Variants in ACYP2 observed in about 807,000 individuals in gnomAD.
ACYP2 encodes the protein acylphosphatase-2.
Under a neutral mutation model 11.2 loss-of-function variants are expected in ACYP2, and 12 were observed. That is an observed-to-expected ratio of 1.08 (90% CI 0.69 to 1.74). ACYP2 has a LOEUF of 1.74. ACYP2 is among the 40% of genes most tolerant of loss of function. The pLI is 0.00. For missense variants in ACYP2, 134 were observed against 101.9 expected (o/e 1.31, Z -1.35); for synonymous variants, 43 against 32.2 (o/e 1.33, Z -1.13).
chr2:54,230,418 G>A (rs1257284742), intron 6 of ACYP2, among the ~76,000 whole-genome samples: 6 of 152,010 alleles, frequency 3.9e-5, no homozygotes, highest in South Asian at 4.1e-4. Flanking sequence ...GTCCAATGGC[G>A]TGATCTCGAC....
chr2:54,217,775 A>G (rs1685619574), intron 6 of ACYP2, among the ~76,000 whole-genome samples: 1 of 152,208 alleles, frequency 6.6e-6, no homozygotes, highest in African/African-American at 2.4e-5. Context: ...AGTATTACGT[A>G]GATAATTGTC....
intron 6 of ACYP2, among the ~76,000 whole-genome samples, chr2:54,230,782 T>C (rs927846714): frequency 5.3e-5 from 8 of 151,956 alleles, no homozygotes; most frequent in Non-Finnish European, 1.2e-4. Flanking sequence ...AGCCCCGCTT[T>C]GAGTTGTCCC....
At chr2:54,123,097 T>A (rs1680252227) in intron 4 of ACYP2, 1 of 342,190 alleles carries the variant, frequency 2.9e-6, no homozygotes, top group Admixed American at 4.8e-5. Flanking sequence ...GGGCTGTGCA[T>A]GTTTCTCCTT....
intron 2 of ACYP2, among the ~76,000 whole-genome samples, chr2:54,000,082 C>T (rs1433053815): frequency 6.6e-6 from 1 of 151,434 alleles, no homozygotes; most frequent in Non-Finnish European, 1.5e-5. Flanking sequence ...TCTGTTATTT[C>T]AATATAATAG....
intron 4 of ACYP2, among the ~76,000 whole-genome samples, chr2:54,134,450 T>G (rs1681106421): frequency 6.6e-6 from 1 of 152,236 alleles, no homozygotes; most frequent in African/African-American, 2.4e-5. Flanking sequence ...AATTTGTATT[T>G]AGTCCTTACA....
At chr2:54,116,031 G>A (rs1351949233) in intron 4 of ACYP2, among the ~76,000 whole-genome samples, 2 of 152,170 alleles carry the variant, frequency 1.3e-5, no homozygotes. Context: ...GCTGCTGGGT[G>A]CGGGAGTAAG....
In ACYP2 at chr2:54,201,624, GTTTCTTTCTTTC is replaced by G. The variant is rs1191663099; in HGVS notation, c.404+62878_404+62889del. On this transcript the variant is annotated intron_variant, in intron 6 of 6. Coordinates refer to ENST00000607452, the MANE Select transcript of ACYP2 (RefSeq NM_001320586.2). ...TCTTTCTTTCTTTCTTTCTTTCTTT[GTTTCTTTCTTTC>G]TCTTTCTTTCTTTCTTTCTTTCTTT... 1.3e-3 allele frequency among the ~76,000 whole-genome samples: 143 copies of G among 108,770 alleles called. 1 individual carries two copies. Among genetic ancestry groups the G allele is most frequent in the African/African-American group, 5.1e-3 (138 of 27,202 alleles). The allele number at this position is 108,770 out of a possible 152,430, so 71.4% of individuals were successfully genotyped here.
chr2:54,136,320 C>T (rs1020538552), intron 5 of ACYP2, among the ~76,000 whole-genome samples: 2 of 152,086 alleles, frequency 1.3e-5, no homozygotes, highest in African/African-American at 4.8e-5. Context: ...ATGCCTGGCT[C>T]CATGTTGCTT....
chr2:54,238,481 C>G (rs183155441), intron 6 of ACYP2, among the ~76,000 whole-genome samples: 4 of 152,118 alleles, frequency 2.6e-5, no homozygotes, highest in Admixed American at 2.0e-4. Flanking sequence ...GAATAACAAA[C>G]TAAGTAAGTC....
At chr2:54,013,646 C>A (rs1232992539) in intron 2 of ACYP2, among the ~76,000 whole-genome samples, 1 of 150,660 alleles carries the variant, frequency 6.6e-6, no homozygotes, top group African/African-American at 2.4e-5. Flanking sequence ...GCCTGCACTT[C>A]TATACAAATC....
At chr2:54,081,547 A>T (rs1338619343) in intron 4 of ACYP2, among the ~76,000 whole-genome samples, 1 of 152,216 alleles carries the variant, frequency 6.6e-6, no homozygotes, top group Non-Finnish European at 1.5e-5. Flanking sequence ...TACCATATAG[A>T]CCAGGTGTGG....
chr2:54,019,070 T>TG (rs1418096195), intron 2 of ACYP2, among the ~76,000 whole-genome samples: 1 of 150,738 alleles, frequency 6.6e-6, no homozygotes, highest in Admixed American at 6.6e-5. Context: ...ATTATTATTA[T>TG]GTTTTTTTTT....
chr2:54,029,473 A>G (rs1470305821), intron 2 of ACYP2: 3 of 348,978 alleles, frequency 8.6e-6, no homozygotes, highest in African/African-American at 2.1e-5. Flanking sequence ...ATATATGTGT[A>G]TATATGTATT....
chr2:54,074,284 A>C (rs141537101), intron 4 of ACYP2, among the ~76,000 whole-genome samples: 2,445 of 152,296 alleles, frequency 0.016, 31 homozygotes, highest in South Asian at 0.029. Context: ...ATTCAAGGTT[A>C]TAATGAGCTA....
In ACYP2 at chr2:54,251,359, G is replaced by GTT. The variant is rs76809276; in HGVS notation, c.405-53321_405-53320dup. Among the ~76,000 whole-genome samples, 672 of 151,242 alleles carry GTT rather than the reference G, an allele frequency of 4.4e-3. 6 individuals carry two copies. Among genetic ancestry groups the GTT allele is most frequent in the African/African-American group, 0.015 (606 of 41,264 alleles). On this transcript the variant is annotated intron_variant, in intron 6 of 6. Coordinates refer to ENST00000607452, the MANE Select transcript of ACYP2 (RefSeq NM_001320586.2). ...CAGAGAGTTTCCAGAAAAATAATGT[G>GTT]TTTTTTTTTGTTTTGAATTTATTTG...
chr2:54,215,037 T>C (rs778203081), intron 6 of ACYP2, among the ~76,000 whole-genome samples: 3 of 152,200 alleles, frequency 2.0e-5, no homozygotes, highest in Non-Finnish European at 2.9e-5. Flanking sequence ...GCAATTTTGG[T>C]TTGGCTCTCA....
chr2:54,092,023 A>G (rs1173461182), intron 4 of ACYP2, among the ~76,000 whole-genome samples: 1 of 152,122 alleles, frequency 6.6e-6, no homozygotes, highest in East Asian at 1.9e-4. Flanking sequence ...TTTAAAAGCC[A>G]TTTAGGAGGG....
At chr2:54,182,047 ATT>A (rs35145998) in intron 6 of ACYP2, among the ~76,000 whole-genome samples, 6 of 83,056 alleles carry the variant, frequency 7.2e-5, no homozygotes, top group African/African-American at 1.6e-4. Flanking sequence ...ATAGAAGATA[ATT>A]TTTTTTTTTT....
rs70944152 is a variant in ACYP2 at position 54,202,706 on chromosome 2, C to CTTTTTTTTTTTTTT, written c.404+63986_404+63999dup. 9.3e-5 allele frequency among the ~76,000 whole-genome samples: 4 copies of CTTTTTTTTTTTTTT among 43,082 alleles called. 1 individual carries two copies. Among genetic ancestry groups the CTTTTTTTTTTTTTT allele is most frequent in the Admixed American group, 9.0e-4 (2 of 2,216 alleles). The allele number at this position is 43,082 out of a possible 152,430, so 28.3% of individuals were successfully genotyped here. ...TACAGGTGTGAGCCACGGCGCCTGG[C>CTTTTTTTTTTTTTT]TTTTTTTTTTTTTTTTTTTTTTTTT... On this transcript the variant is annotated intron_variant, in intron 6 of 6. Coordinates refer to ENST00000607452, the MANE Select transcript of ACYP2 (RefSeq NM_001320586.2).
Sources: gnomAD v4.1 joint callset for allele counts (sites outside exome capture counted in the v4.1 genomes callset) on GRCh38, gnomAD v4.1.1 for gene constraint, MANE v1.5 for transcripts, NCBI Gene and HGNC (gene_info 2026-07-23, HGNC 2026-07-21) for gene names.